ZBED6: variants seen among roughly 807,000 people sequenced by gnomAD.
The protein encoded by ZBED6 is zinc finger BED domain-containing protein 6.
A neutral mutation model predicts 58.4 loss-of-function variants in ZBED6; 40 were observed. The observed-to-expected ratio is 0.68, with a 90% confidence interval of 0.53 to 0.89. ZBED6 has a LOEUF of 0.89. Among genes scored for constraint, ZBED6 ranks in the 40% least tolerant of loss-of-function variants. ZBED6 has a pLI of 0.00. For missense variants in ZBED6, 1,057 were observed against 1,003.9 expected (o/e 1.05, Z -0.71); for synonymous variants, 439 against 350.6 (o/e 1.25, Z -2.82).
exon 12 of ZBED6, chr1:203,847,678 A>T: frequency 6.2e-7 from 1 of 1,612,142 alleles, no homozygotes. Flanking sequence ...GCGAATCACC[A>T]AAAGAACAGG....
intron 2 of ZBED6, among the ~76,000 whole-genome samples, chr1:203,817,462 T>A (rs140200931): frequency 6.6e-6 from 1 of 150,610 alleles, no homozygotes; most frequent in Admixed American, 6.6e-5. Context: ...ATACTTCATA[T>A]TAAATGAGTG....
chr1:203,829,958 TCA>T, intron 6 of ZBED6, 62 bp downstream of exon 6: 1 of 1,482,066 alleles, frequency 6.7e-7, no homozygotes. Context: ...GAAATTTAGT[TCA>T]CAATCATTGA....
intron 1 of ZBED6, among the ~76,000 whole-genome samples, chr1:203,813,107 C>A (rs758180775): frequency 5.9e-5 from 9 of 152,150 alleles, no homozygotes; most frequent in Admixed American, 1.3e-4. Flanking sequence ...TTTCTCCCAG[C>A]CTGTGGCTTT....
exon 1 of ZBED6, chr1:203,796,851 C>T (rs1558084856): frequency 6.2e-6 from 1 of 162,242 alleles, no homozygotes; most frequent in Non-Finnish European, 1.3e-5. Context: ...TTTTTTCCAG[C>T]CACTCACATT....
intron 1 of ZBED6, among the ~76,000 whole-genome samples, chr1:203,809,050 G>T (rs992391483): frequency 6.6e-6 from 1 of 151,536 alleles, no homozygotes; most frequent in Non-Finnish European, 1.5e-5. Flanking sequence ...AGCTGGTCTC[G>T]AACTCCTGAC....
exon 8 of ZBED6, chr1:203,831,771 G>A (rs2103042869): frequency 6.2e-7 from 1 of 1,609,790 alleles, no homozygotes; most frequent in South Asian, 1.1e-5. Flanking sequence ...CACCAAACAA[G>A]GTAAGGTATA....
intron 14 of ZBED6, chr1:203,850,267 T>C (rs111275545): frequency 2.1e-5 from 14 of 653,538 alleles, no homozygotes; most frequent in Middle Eastern, 4.0e-4. Flanking sequence ...ATCTTTCCTC[T>C]GGTATTGAAT....
intron 3 of ZBED6, among the ~76,000 whole-genome samples, chr1:203,824,869 G>GT (rs1258675600): frequency 6.6e-6 from 1 of 151,990 alleles, no homozygotes. Flanking sequence ...CATCTCAGGA[G>GT]TTTGAGACCA....
intron 3 of ZBED6, among the ~76,000 whole-genome samples, chr1:203,819,162 G>T (rs1677479017): frequency 6.8e-6 from 1 of 146,602 alleles, no homozygotes. Flanking sequence ...ACACACACGT[G>T]TATATATGTG....
intron 1 of ZBED6, among the ~76,000 whole-genome samples, chr1:203,807,781 G>T (rs1161088372): frequency 6.6e-6 from 1 of 151,872 alleles, no homozygotes. Context: ...TTGCTCTGTT[G>T]CGCAGACCAG....
At chr1:203,833,513 A>C (rs1161745223) in intron 8 of ZBED6, among the ~76,000 whole-genome samples, 1 of 151,940 alleles carries the variant, frequency 6.6e-6, no homozygotes, top group African/African-American at 2.4e-5. Context: ...CCTGAGTGAC[A>C]GAGCAAGAGT....
intron 1 of ZBED6, among the ~76,000 whole-genome samples, chr1:203,808,172 TA>T (rs1468405356): frequency 1.3e-5 from 2 of 152,228 alleles, no homozygotes; most frequent in Non-Finnish European, 2.9e-5. Context: ...TTTTTGTATC[TA>T]AAAACTTCTA....
chr1:203,820,982 C>T (rs533481143), intron 3 of ZBED6, among the ~76,000 whole-genome samples: 10 of 152,158 alleles, frequency 6.6e-5, no homozygotes, highest in Admixed American at 5.9e-4. Flanking sequence ...ACTTTTTCCC[C>T]GTTATTGATG....
At chr1:203,801,891 C>G (rs938414167) in exon 1 of ZBED6, 4 of 152,098 alleles carry the variant, frequency 2.6e-5, no homozygotes, top group Admixed American at 1.3e-4. Context: ...AAAGTTTACC[C>G]TTTTACTAAC....
chr1:203,802,556 T>C (rs1336816492), exon 1 of ZBED6: 1 of 152,420 alleles, frequency 6.6e-6, no homozygotes, highest in Non-Finnish European at 1.5e-5. Context: ...GGTTTCTGTT[T>C]TTTTCTTAAT....
At chr1:203,829,956 G>C (rs1681722836) in intron 6 of ZBED6, 60 bp downstream of exon 6, 1 of 1,499,778 alleles carries the variant, frequency 6.7e-7, no homozygotes, top group Non-Finnish European at 9.3e-7. Flanking sequence ...TTGAAATTTA[G>C]TTCACAATCA....
intron 10 of ZBED6, among the ~76,000 whole-genome samples, chr1:203,838,497 T>A (rs1323223794): frequency 6.6e-6 from 1 of 152,208 alleles, no homozygotes; most frequent in African/African-American, 2.4e-5. Context: ...GCAGAGAGAA[T>A]AACTCCTGCA....
chr1:203,819,529 A>AT (rs755259647), intron 3 of ZBED6, among the ~76,000 whole-genome samples: 18 of 72,870 alleles, frequency 2.5e-4, no homozygotes, highest in African/African-American at 6.3e-4. Context: ...GCTGACTCCA[A>AT]TTTTTTTTTT....
At chr1:203,841,813 G>A (rs1686339814) in intron 11 of ZBED6, among the ~76,000 whole-genome samples, 1 of 146,272 alleles carries the variant, frequency 6.8e-6, no homozygotes, top group Non-Finnish European at 1.5e-5. Context: ...CGGGGCGGCT[G>A]CCGGGCGGAG....
Sources: gnomAD v4.1 joint callset for allele counts (sites outside exome capture counted in the v4.1 genomes callset) on GRCh38, gnomAD v4.1.1 for gene constraint, MANE v1.5 for transcripts, NCBI Gene and HGNC (gene_info 2026-07-23, HGNC 2026-07-21) for gene names.